The following CD93 variants were observed in gnomAD, a reference collection of about 807,000 sequenced individuals.
The protein encoded by CD93 is CD93 molecule, also known as complement component C1q receptor.
CD93 carries 44 observed loss-of-function variants against 45.5 expected under a neutral mutation model. That is an observed-to-expected ratio of 0.97 (90% confidence interval 0.76 to 1.24). The LOEUF (loss-of-function observed/expected upper bound fraction) is 1.24, where lower values mean the gene tolerates loss of function less well. Among genes scored for constraint, CD93 ranks in the 50% most tolerant of loss-of-function variants. CD93 has a pLI of 0.00. For missense variants in CD93, 918 were observed against 844.5 expected, an observed-to-expected ratio of 1.09 and a Z score of -1.08; for synonymous variants, 431 against 370.8, an observed-to-expected ratio of 1.16 and a Z score of -1.87.
At position 23,085,831 on chromosome 20, in the gene CD93, T is replaced by TGGGGGCC; in HGVS notation, c.361_362insGGCCCCC (p.Glu121GlyfsTer9). ...GTGCCAGTTAGAGTAAGGCGTGTCCTCCCCCCCGCCCACCCAGCTGAAGCC... is the reference window on the plus strand; with the variant it reads ...GTGCCAGTTAGAGTAAGGCGTGTCCTGGGGGCCCCCCCCCGCCCACCCAGCTGAAGCC... On this transcript the variant is annotated frameshift_variant, in exon 1 of 2. Transcript: ENST00000246006. LOFTEE classifies it high-confidence loss of function. 1 of 1,491,242 alleles carries TGGGGGCC rather than the reference T, an allele frequency of 6.7e-7. No homozygotes were observed. The highest frequency in any genetic ancestry group is 1.3e-5 in the South Asian group (1 of 75,910). The allele number at this position is 1,491,242 out of a possible 1,614,324, so 92.4% of individuals were successfully genotyped here.
At position 23,085,348 on chromosome 20, in the gene CD93, G is replaced by A. The variant is rs369622731; in HGVS notation, c.845C>T (p.Ser282Phe). Residue 282 changes from serine (S) to phenylalanine (F), a missense_variant, in exon 1 of 2, where the codon TCC becomes TTC. Transcript: ENST00000246006. ...TCCTGGTCGGCAGCCGCAGAGGAAG[G>A]AGCCATCCCCCCCTTCAAAGCAGTC... ...HQDCFEGGDG[S>F]FLCGCRPGFR... The A allele has an allele frequency of 9.9e-5, 159 of 1,613,940 alleles. No homozygotes were observed. The highest frequency in any genetic ancestry group is 1.3e-4 in the Non-Finnish European group (150 of 1,180,028).
chr20:23,086,285 GA>G lies in CD93; in HGVS notation c.-94del. On this transcript the variant is annotated 5_prime_UTR_variant, in exon 1 of 2. Transcript: ENST00000246006. Reference sequence around the variant, plus strand: ...TCCCAGCTGGGCCCCAAGGGGAGCTGAGGGGTGAGCTGCAGCCACTCCGGCG... The same window carrying G: ...TCCCAGCTGGGCCCCAAGGGGAGCTGGGGGTGAGCTGCAGCCACTCCGGCG... 7.1e-7 allele frequency: 1 copy of G among 1,415,136 alleles called. No individual in the cohort carries two copies. The highest frequency in any genetic ancestry group is 9.3e-7 in the Non-Finnish European group (1 of 1,078,804). The allele number at this position is 1,415,136 out of a possible 1,614,324, so 87.7% of individuals were successfully genotyped here. A position where few individuals can be genotyped will look rare whatever the true frequency, so the allele number is the denominator to read the frequency against.
Position 23,080,904 on chromosome 20 carries a change from C to T in CD93, c.*3046G>A, listed in dbSNP as rs753197161. The stretch of plus-strand genomic sequence containing the variant: ...CCTGCCCTGGTTTTTCTGCATTCCT[C>T]AGATTATCTGTGGGAATTGTCCTCC... On this transcript the variant is annotated 3_prime_UTR_variant, in exon 2 of 2. Transcript: ENST00000246006. 5.3e-5 allele frequency: 8 copies of T among 152,180 alleles called. No individual in the cohort carries two copies. Among genetic ancestry groups the T allele is most frequent in the Non-Finnish European group, 1.2e-4 (8 of 68,042 alleles). The allele number at this position is 152,180 out of a possible 1,614,324, so 9.4% of individuals were successfully genotyped here.
rs2122709595 is a variant in CD93 at position 23,086,121 on chromosome 20, A to C, written c.72T>G (p.Ala24=). ...CCACGCAGACCACCGCCTCCGTGTC[A>C]GCTCCCGTCCCCGCCCCGGGCTGGG... ...LLTQPGAGTG[A]DTEAVVCVGT... is the part of the protein sequence containing the mutation. Residue 24 remains alanine (A), a synonymous_variant, in exon 1 of 2, where the codon GCT becomes GCG. Transcript: ENST00000246006. 2.5e-6 allele frequency: 4 copies of C among 1,587,854 alleles called. No individual in the cohort carries two copies. The highest frequency in any genetic ancestry group is 3.4e-6 in the Non-Finnish European group (4 of 1,174,290).
Position 23,085,171 on chromosome 20 carries a change from AG to A in CD93, c.1021del (p.Leu341TrpfsTer247), listed in dbSNP as rs1288127723. On this transcript the variant is annotated frameshift_variant, in exon 1 of 2. Coordinates refer to ENST00000246006, the MANE Select transcript of CD93 (RefSeq NM_012072.4). LOFTEE classifies it high-confidence loss of function. Reference sequence around the variant, plus strand: ...GCATTCATCCACGTCCACACAGTCCAGCTGACTCGAGTCCAGCTGGTACCCT... The same window carrying A: ...GCATTCATCCACGTCCACACAGTCCACTGACTCGAGTCCAGCTGGTACCCT... The part of the protein sequence containing the change: ...PQGYQLDSSQ[L>X]DCVDVDECQD... The A allele has an allele frequency of 6.3e-7, 1 of 1,585,450 alleles. No homozygotes were observed. Among genetic ancestry groups the A allele is most frequent in the African/African-American group, 1.3e-5 (1 of 74,636 alleles).
In CD93 at chr20:23,085,091, C is replaced by A; in HGVS notation, c.1102G>T (p.Glu368Ter). ...CCCGGCTCATAGCCAACCCAGCATT[C>A]GCAGCGGAAGCCCCCAGGGGTGTTG... ...CVNTPGGFRC[E>*]CWVGYEPGGP... Residue 368 changes from glutamate (E) to a stop codon, truncating the protein, a stop_gained, in exon 1 of 2, where the codon GAA becomes TAA. Transcript: ENST00000246006. LOFTEE classifies it high-confidence loss of function. 1 of 1,608,006 alleles carries A rather than the reference C, an allele frequency of 6.2e-7. No individual in the cohort carries two copies. Among genetic ancestry groups the A allele is most frequent in the Non-Finnish European group, 8.5e-7 (1 of 1,176,670 alleles).
Position 23,085,004 on chromosome 20 carries a change from C to T in CD93, c.1189G>A (p.Ala397Thr), listed in dbSNP as rs777956213. Residue 397 changes from alanine to threonine, a missense_variant, in exon 1 of 2, where the codon GCC (alanine) becomes ACC (threonine). Physicochemically the swap from Ala to Thr is moderately conservative, Grantham distance 58. Coordinates refer to ENST00000246006, the MANE Select transcript of CD93 (RefSeq NM_012072.4). ...DECALGRSPC[A>T]QGCTNTDGSF... ...CCATCTGTGTTGGTGCAGCCCTGGG[C>T]GCAAGGCGAGCGACCCAGAGCACAC... The T allele has an allele frequency of 9.9e-6, 16 of 1,613,784 alleles. No homozygotes were observed. Among genetic ancestry groups the T allele is most frequent in the South Asian group, 2.2e-5 (2 of 91,088 alleles).
rs1342829629 is a variant in CD93 at position 23,084,577 on chromosome 20, C to G, written c.1616G>C (p.Gly539Ala). The G allele has an allele frequency of 1.2e-6, 2 of 1,611,916 alleles. No homozygotes were observed. Among genetic ancestry groups the G allele is most frequent in the Non-Finnish European group, 1.7e-6 (2 of 1,178,792 alleles). ...GGGCTCCCTCCAGACGCCTGGGGAC[C>G]CACTGGGGGCCAGCATCTTGAGTGG... ...SAPLKMLAPS[G>A]SPGVWREPSI... The change falls in exon 1 of 2, where the codon GGG (glycine) becomes GCG (alanine). Residue 539 changes from glycine to alanine, a missense_variant. Physicochemically the swap from Gly to Ala is moderately conservative, Grantham distance 60. Transcript: ENST00000246006.
Position 23,085,831 on chromosome 20 carries a change from T to TTGGGCC in CD93, c.361_362insGGCCCA (p.Glu121delinsGlyProLys). On this transcript the variant is annotated protein_altering_variant, in exon 1 of 2. Transcript: ENST00000246006. ...GTGCCAGTTAGAGTAAGGCGTGTCC[T>TTGGGCC]CCCCCCCGCCCACCCAGCTGAAGCC... The TTGGGCC allele has an allele frequency of 4.9e-5, 73 of 1,490,664 alleles. No homozygotes were observed. The highest frequency in any genetic ancestry group is 6.0e-5 in the Non-Finnish European group (66 of 1,097,320). The allele number at this position is 1,490,664 out of a possible 1,614,324, so 92.3% of individuals were successfully genotyped here.
Position 23,083,954 on chromosome 20 carries a change from C to G in CD93, c.1955G>C (p.Cys652Ser). Residue 652 changes from cysteine to serine, a missense_variant, in exon 2 of 2, where the codon TGC (cysteine) becomes TCC (serine). Transcript: ENST00000246006. ...NQYSPTPGTD[C>S] ...GTCTCTAGGGCCACCTCACTTTCAG[C>G]AGTCTGTCCCAGGTGTCGGACTATG... 1 of 1,614,126 alleles carries G rather than the reference C, an allele frequency of 6.2e-7. No individual in the cohort carries two copies.
At position 23,085,831 on chromosome 20, in the gene CD93, T is replaced by TGGGGGCCC; in HGVS notation, c.361_362insGGGCCCCC (p.Glu121GlyfsTer82). On this transcript the variant is annotated frameshift_variant, in exon 1 of 2. Transcript: ENST00000246006. LOFTEE classifies it high-confidence loss of function. ...GTGCCAGTTAGAGTAAGGCGTGTCCTCCCCCCCGCCCACCCAGCTGAAGCC... is the reference window on the plus strand; with the variant it reads ...GTGCCAGTTAGAGTAAGGCGTGTCCTGGGGGCCCCCCCCCCGCCCACCCAGCTGAAGCC... 1 of 1,491,272 alleles carries TGGGGGCCC rather than the reference T, an allele frequency of 6.7e-7. No homozygotes were observed. Among genetic ancestry groups the TGGGGGCCC allele is most frequent in the Non-Finnish European group, 9.1e-7 (1 of 1,097,884 alleles). 92.4% of individuals were successfully genotyped at this position (1,491,272 alleles called of 1,614,324 possible).
Position 23,085,972 on chromosome 20 carries a change from C to A in CD93, c.221G>T (p.Arg74Leu), listed in dbSNP as rs754864348. The change falls in exon 1 of 2, where the codon CGA (arginine) becomes CTA (leucine). Residue 74 changes from arginine (R) to leucine (L), a missense_variant. Physicochemically the swap from Arg to Leu is moderately radical, Grantham distance 102. Transcript: ENST00000246006. Reference sequence around the variant, plus strand: ...CCGCCTCAGGAGCTGGGCCAGTACTCGCTGGACGTGCTGGGCCTCCTCCTT... The same window carrying A: ...CCGCCTCAGGAGCTGGGCCAGTACTAGCTGGACGTGCTGGGCCTCCTCCTT... ...KSKEEAQHVQ[R>L]VLAQLLRREA... 4 of 1,610,708 alleles carry A rather than the reference C, an allele frequency of 2.5e-6. No individual in the cohort carries two copies. In the South Asian group the frequency reaches 3.3e-5, roughly 13 times the overall value.
At position 23,085,278 on chromosome 20, in the gene CD93, A is replaced by G. The variant is rs142646883; in HGVS notation, c.915T>C (p.Pro305=). Residue 305 remains proline, a synonymous_variant, in exon 1 of 2, where the codon CCT becomes CCC. Transcript: ENST00000246006. ...DDLVTCASRN[P]CSSSPCRGGA... ...CCCCACGACATGGGCTGGAGCTGCA[A>G]GGGTTTCGAGAGGCACAGGTCACCA... The G allele has an allele frequency of 4.0e-4, 650 of 1,613,922 alleles. 6 individuals are homozygous for G. The East Asian group carries it at 0.013, about 33-fold the overall frequency.
At chr20:23,084,058 C>T (rs562526192) in intron 1 of CD93, 84 bp from the exon 2 acceptor site, 111 of 1,542,694 alleles carry the variant, frequency 7.2e-5, no homozygotes, top group African/African-American at 8.2e-5. Context: ...GCCCCACGTG[C>T]GGCCGTGCTG....
chr20:23,083,859 C>CA lies in CD93; in HGVS notation c.*90dup, dbSNP rs1332769318. ...TTGCTAAGATTCCAGTCCAGTCTTT[C>CA]AAAAAAATGTGGGTGCCCCTTTGGA... On this transcript the variant is annotated 3_prime_UTR_variant, in exon 2 of 2. Coordinates refer to ENST00000246006, the MANE Select transcript of CD93 (RefSeq NM_012072.4). 1.3e-5 allele frequency: 16 copies of CA among 1,230,604 alleles called. No individual in the cohort carries two copies. The Admixed American group carries it at 2.2e-4, about 17-fold the overall frequency. The allele number at this position is 1,230,604 out of a possible 1,614,324, so 76.2% of individuals were successfully genotyped here. A position where few individuals can be genotyped will look rare whatever the true frequency, so the allele number is the denominator to read the frequency against.
At position 23,086,096 on chromosome 20, in the gene CD93, C is replaced by A; in HGVS notation, c.97G>T (p.Gly33Trp). ...GAGTGGGCCGTGTAGCAGGCGGTCC[C>A]CACGCAGACCACCGCCTCCGTGTCA... is the stretch of plus-strand genomic sequence containing the variant. ...GADTEAVVCV[G>W]TACYTAHSGK... Residue 33 changes from glycine to tryptophan, a missense_variant, in exon 1 of 2, where the codon GGG becomes TGG. Physicochemically the swap from Gly to Trp is radical, Grantham distance 184. Transcript: ENST00000246006. 1 of 1,595,686 alleles carries A rather than the reference C, an allele frequency of 6.3e-7. No individual in the cohort carries two copies. The highest frequency in any genetic ancestry group is 8.5e-7 in the Non-Finnish European group (1 of 1,177,752).
chr20:23,086,302 C>G lies in CD93; in HGVS notation c.-110G>C, dbSNP rs1036288803. The G allele has an allele frequency of 7.5e-7, 1 of 1,326,216 alleles. No individual in the cohort carries two copies. The highest frequency in any genetic ancestry group is 1.5e-5 in the African/African-American group (1 of 67,366). The allele number at this position is 1,326,216 out of a possible 1,614,324, so 82.2% of individuals were successfully genotyped here. On this transcript the variant is annotated 5_prime_UTR_variant, in exon 1 of 2. Transcript: ENST00000246006. ...GGGGAGCTGAGGGGTGAGCTGCAGC[C>G]ACTCCGGCGCAGAGAAGGACACAAA...
rs561453417 is a variant in CD93 at position 23,083,713 on chromosome 20, T to C, written c.*237A>G. On this transcript the variant is annotated 3_prime_UTR_variant, in exon 2 of 2. Coordinates refer to ENST00000246006, the MANE Select transcript of CD93 (RefSeq NM_012072.4). ...AAGGGAGGGGGAGTAACAATCATTA[T>C]AGAGTCACGAAATCCCCACCGTGGC... 6.3e-5 allele frequency: 37 copies of C among 590,522 alleles called. No individual in the cohort carries two copies. Among genetic ancestry groups the C allele is most frequent in the Middle Eastern group, 8.9e-4 (2 of 2,248 alleles). 36.6% of individuals were successfully genotyped at this position (590,522 alleles called of 1,614,324 possible).
In CD93 at chr20:23,083,201, C is replaced by T. The variant is rs528223694; in HGVS notation, c.*749G>A. 6.6e-6 allele frequency: 1 copy of T among 152,372 alleles called. No homozygotes were observed. The highest frequency in any genetic ancestry group is 1.9e-4 in the East Asian group (1 of 5,184). 9.4% of individuals were successfully genotyped at this position (152,372 alleles called of 1,614,324 possible). On this transcript the variant is annotated 3_prime_UTR_variant, in exon 2 of 2. Transcript: ENST00000246006. Reference sequence around the variant, plus strand: ...GAACAAATCCCTGGCCTCTCTCGCCCTAGCCCCGTAGATTATGTGACTTCA... The same window carrying T: ...GAACAAATCCCTGGCCTCTCTCGCCTTAGCCCCGTAGATTATGTGACTTCA...
Sources: allele counts gnomAD v4.1 joint callset, GRCh38; gene constraint gnomAD v4.1.1; transcripts MANE v1.5; gene names NCBI Gene and HGNC (gene_info 2026-07-23, HGNC 2026-07-21).